The following PHF10 variants were observed in gnomAD, a reference collection of about 807,000 sequenced individuals.
PHF10 encodes the protein PHD finger protein 10, also known as BRG1-associated factor 45a.
Under a neutral mutation model 68.5 loss-of-function variants are expected in PHF10, and 51 were observed. The ratio of observed to expected loss-of-function variants is 0.74; its 90% CI spans 0.59 to 0.94. PHF10 has a LOEUF of 0.94. PHF10 is among the 40% of genes least tolerant of loss of function. The pLI, the probability that PHF10 is intolerant of heterozygous loss-of-function variation, is 0.00. For missense variants in PHF10, 460 were observed against 602.6 expected (o/e 0.76, Z 2.48); for synonymous variants, 204 against 203.5 (o/e 1.00, Z -0.02).
intron 9 of PHF10, among the ~76,000 whole-genome samples, chr6:169,706,104 A>AT (rs1341873128): frequency 6.6e-6 from 1 of 152,228 alleles, no homozygotes. Flanking sequence ...TAAAAAGACC[A>AT]TTTTAAATAG....
At chr6:169,722,540 G>A (rs1425706432) in intron 1 of PHF10, among the ~76,000 whole-genome samples, 1 of 152,160 alleles carries the variant, frequency 6.6e-6, no homozygotes, top group African/African-American at 2.4e-5. Context: ...AAAAAGCTGA[G>A]ACTACAATTT....
intron 4 of PHF10, among the ~76,000 whole-genome samples, chr6:169,716,598 T>C (rs937688776): frequency 6.6e-6 from 1 of 152,118 alleles, no homozygotes; most frequent in Non-Finnish European, 1.5e-5. Context: ...CTAAAATGCA[T>C]TCCCAAGAAT....
chr6:169,711,953 CA>C (rs34564229), intron 8 of PHF10, among the ~76,000 whole-genome samples: 6,627 of 152,154 alleles, frequency 0.044, 174 homozygotes, highest in Non-Finnish European at 0.067. Context: ...AAAAGTCATA[CA>C]GGAAAACCCA....
chr6:169,713,147 A>C (rs1430654202), intron 7 of PHF10, among the ~76,000 whole-genome samples: 1 of 152,196 alleles, frequency 6.6e-6, no homozygotes, highest in African/African-American at 2.4e-5. Flanking sequence ...GTCAGACAGC[A>C]CTGCTTCGTG....
Position 169,723,980 on chromosome 6 carries a change from C to T in PHF10, c.-49G>A. ...GCCGCCGCCGTCGCCTCCGCCTTGT[C>T]CCGGCCGCCGCCGCCGCTGCCGCCG... is the stretch of plus-strand genomic sequence containing the variant. On this transcript the variant is annotated 5_prime_UTR_variant, in exon 1 of 12. Coordinates refer to ENST00000339209, the MANE Select transcript of PHF10 (RefSeq NM_018288.4). The T allele has an allele frequency of 3.6e-6, 2 of 556,696 alleles. 1 individual carries two copies. Among genetic ancestry groups the T allele is most frequent in the South Asian group, 1.5e-4 (2 of 13,544 alleles). The allele number at this position is 556,696 out of a possible 1,614,324, so 34.5% of individuals were successfully genotyped here. A position where few individuals can be genotyped will look rare whatever the true frequency, so the allele number is the denominator to read the frequency against.
intron 2 of PHF10, among the ~76,000 whole-genome samples, chr6:169,719,768 G>A (rs1285112451): frequency 6.6e-6 from 1 of 151,960 alleles, no homozygotes; most frequent in Non-Finnish European, 1.5e-5. Context: ...TGGATTTGAA[G>A]GTAGATTCTT....
chr6:169,716,115 T>C (rs1789041730), intron 4 of PHF10, 27 bp from the exon 5 acceptor site: 1 of 1,489,724 alleles, frequency 6.7e-7, no homozygotes, highest in Non-Finnish European at 9.0e-7. Flanking sequence ...AATAAAAAAA[T>C]AAAGAAGCTC....
At chr6:169,710,186 G>A in intron 9 of PHF10, 50 bp downstream of exon 9, 1 of 1,380,324 alleles carries the variant, frequency 7.2e-7, no homozygotes, top group Non-Finnish European at 9.9e-7. Context: ...AAATATTTCA[G>A]GGAGAGGCTG....
intron 9 of PHF10, chr6:169,709,997 A>G (rs1021917264): frequency 3.3e-6 from 1 of 299,714 alleles, no homozygotes. Flanking sequence ...TTCAAAGAAA[A>G]AAAAAGACTT....
intron 9 of PHF10, chr6:169,709,988 T>G: frequency 3.6e-6 from 1 of 276,002 alleles, no homozygotes; most frequent in East Asian, 6.4e-5. Flanking sequence ...GGTTATTCTT[T>G]CAAAGAAAAA....
chr6:169,705,403 G>A, intron 10 of PHF10, 82 bp from the exon 11 acceptor site: 2 of 950,702 alleles, frequency 2.1e-6, no homozygotes, highest in Non-Finnish European at 3.2e-6. Flanking sequence ...TTTGCTTTAG[G>A]ACTTCCAGAG....
chr6:169,718,629 GTGCGCTC>G (rs1789106328), intron 3 of PHF10, among the ~76,000 whole-genome samples, 152 bp downstream of exon 3: 1 of 152,186 alleles, frequency 6.6e-6, no homozygotes, highest in South Asian at 2.1e-4. Context: ...AATCGCACCA[GTGCGCTC>G]TAGCCTGGGT....
intron 8 of PHF10, among the ~76,000 whole-genome samples, chr6:169,711,695 A>G (rs1273499891): frequency 6.6e-6 from 1 of 152,242 alleles, no homozygotes; most frequent in African/African-American, 2.4e-5. Flanking sequence ...ATTATTAAAG[A>G]TGTTTTAGAA....
intron 7 of PHF10, among the ~76,000 whole-genome samples, chr6:169,713,296 A>G (rs985180167): frequency 4.6e-5 from 7 of 152,296 alleles, no homozygotes; most frequent in African/African-American, 1.7e-4. Flanking sequence ...TGATGCCAAA[A>G]TAAAATTTTT....
intron 9 of PHF10, chr6:169,707,211 T>TC (rs1005836758): frequency 2.6e-5 from 4 of 152,078 alleles, no homozygotes; most frequent in Non-Finnish European, 5.9e-5. Flanking sequence ...TATACCCTGC[T>TC]CCCCCCAACA....
In PHF10 at chr6:169,723,998, TGCCGCC is replaced by T. The variant is rs1161850118; in HGVS notation, c.-73_-68del. On this transcript the variant is annotated 5_prime_UTR_variant, in exon 1 of 12. Coordinates refer to ENST00000339209, the MANE Select transcript of PHF10 (RefSeq NM_018288.4). The stretch of plus-strand genomic sequence containing the variant: ...GCCTTGTCCCGGCCGCCGCCGCCGC[TGCCGCC>T]GCCGCCGCCGCCGCCGCCGCGCGGG... 523 of 326,120 alleles carry T rather than the reference TGCCGCC, an allele frequency of 1.6e-3. 3 individuals carry two copies. Among genetic ancestry groups the T allele is most frequent in the African/African-American group, 0.01 (410 of 39,084 alleles). 20.2% of individuals were successfully genotyped at this position (326,120 alleles called of 1,614,324 possible). A position where few individuals can be genotyped will look rare whatever the true frequency, so the allele number is the denominator to read the frequency against.
Position 169,712,371 on chromosome 6 carries a change from G to C in PHF10, c.957+15C>G, listed in dbSNP as rs1788943332. ...GAGAAAGGAAATGCTTCCTACTAGA[G>C]AGAAATGTTCTCACCGAAGTGCCTT... is the stretch of plus-strand genomic sequence containing the variant. On this transcript the variant is annotated intron_variant, in intron 8 of 11. Transcript: ENST00000339209. 6.2e-7 allele frequency: 1 copy of C among 1,609,952 alleles called. No individual in the cohort carries two copies. Among genetic ancestry groups the C allele is most frequent in the Non-Finnish European group, 8.5e-7 (1 of 1,176,716 alleles).
chr6:169,721,593 A>G (rs950413424), intron 1 of PHF10, among the ~76,000 whole-genome samples: 3 of 152,228 alleles, frequency 2.0e-5, no homozygotes, highest in Admixed American at 1.3e-4. Flanking sequence ...AAAATTTAGC[A>G]AAAATATACC....
At chr6:169,719,797 A>G (rs1275395588) in intron 2 of PHF10, among the ~76,000 whole-genome samples, 1 of 152,184 alleles carries the variant, frequency 6.6e-6, no homozygotes, top group Admixed American at 6.6e-5. Context: ...CACCAAAAGC[A>G]CAAGCAACAA....
Sources: gnomAD v4.1 joint callset for allele counts (sites outside exome capture counted in the v4.1 genomes callset) on GRCh38, gnomAD v4.1.1 for gene constraint, MANE v1.5 for transcripts, NCBI Gene and HGNC (gene_info 2026-07-23, HGNC 2026-07-21) for gene names.